COL25A1: variants seen among roughly 807,000 people sequenced by gnomAD.
The protein encoded by COL25A1 is collagen alpha-1(XXV) chain.
In COL25A1, 103 loss-of-function variants were observed where a neutral mutation model predicts 128.4. That is an observed-to-expected ratio of 0.80 (90% confidence interval 0.68 to 0.94). The LOEUF (loss-of-function observed/expected upper bound fraction) is 0.94. Ranked by LOEUF, COL25A1 falls within the 40% of genes least tolerant of loss-of-function variation. The pLI, the probability that COL25A1 is intolerant of heterozygous loss-of-function variation, is 0.00. For synonymous variants in COL25A1, 279 were observed against 277.2 expected (o/e 1.01, Z -0.06); for missense variants, 745 against 840.0 (o/e 0.89, Z 1.40).
intron 3 of COL25A1, among the ~76,000 whole-genome samples, chr4:109,084,360 C>T (rs1162205888): frequency 6.6e-6 from 1 of 152,076 alleles, no homozygotes; most frequent in Non-Finnish European, 1.5e-5. Flanking sequence ...TAATACTATT[C>T]TCACAGTGTT....
rs542426070 is a variant in COL25A1, at chr4:108,973,541, CTACA to C, written c.492+822_492+825del. ...AGCACAGTGAATTTTACAGAAAGAC[CTACA>C]TAGTTTCTTTTTTCAACCTGAAAGT... On this transcript the variant is annotated intron_variant, in intron 8 of 37. Coordinates refer to ENST00000399132, the MANE Select transcript of COL25A1 (RefSeq NM_198721.4). Among the ~76,000 whole-genome samples the C allele has an allele frequency of 8.3e-4, 127 of 152,248 alleles. 1 individual carries two copies. Among genetic ancestry groups the C allele is most frequent in the Middle Eastern group, 6.8e-3 (2 of 294 alleles).
chr4:108,863,990 T>C (rs1737579630), intron 20 of COL25A1, among the ~76,000 whole-genome samples: 1 of 152,170 alleles, frequency 6.6e-6, no homozygotes, highest in Non-Finnish European at 1.5e-5. Context: ...AGCTTGCAGA[T>C]AGCCTGTTGT....
At chr4:108,827,596 G>T (rs1427609050) in intron 32 of COL25A1, among the ~76,000 whole-genome samples, 1 of 152,096 alleles carries the variant, frequency 6.6e-6, no homozygotes, top group Non-Finnish European at 1.5e-5. Context: ...GCATGATCAT[G>T]GCTCACTGAA....
At chr4:109,207,142 A>G (rs1264547542) in intron 3 of COL25A1, among the ~76,000 whole-genome samples, 1 of 152,152 alleles carries the variant, frequency 6.6e-6, no homozygotes, top group Non-Finnish European at 1.5e-5. Flanking sequence ...GGGGTTAACT[A>G]ACAGACTTCT....
At chr4:108,942,347 G>T in intron 8 of COL25A1, 1 of 1,279,274 alleles carries the variant, frequency 7.8e-7, no homozygotes, top group Non-Finnish European at 1.1e-6. Flanking sequence ...AACAAAACAA[G>T]CACATACCTA....
intron 3 of COL25A1, among the ~76,000 whole-genome samples, chr4:109,123,435 A>C (rs1017214035): frequency 1.1e-4 from 16 of 152,032 alleles, no homozygotes; most frequent in African/African-American, 3.9e-4. Flanking sequence ...TCACAATCTG[A>C]TCTATAGTAA....
At chr4:108,817,484 T>C in intron 36 of COL25A1, 49 bp from the exon 37 acceptor site, 1 of 1,543,408 alleles carries the variant, frequency 6.5e-7, no homozygotes. Flanking sequence ...TAAGAGTGAT[T>C]AAACTTCATA....
At chr4:109,103,300 A>T (rs1172343954) in intron 3 of COL25A1, among the ~76,000 whole-genome samples, 1 of 152,150 alleles carries the variant, frequency 6.6e-6, no homozygotes, top group East Asian at 1.9e-4. Context: ...TCACAAATCA[A>T]ATCTTGCTAA....
At chr4:109,046,389 A>T (rs563523504) in intron 5 of COL25A1, among the ~76,000 whole-genome samples, 80 of 152,218 alleles carry the variant, frequency 5.3e-4, no homozygotes, top group Non-Finnish European at 9.4e-4. Context: ...CGAGGAATCA[A>T]AGAGGAAGTA....
intron 3 of COL25A1, among the ~76,000 whole-genome samples, chr4:109,139,928 G>GT (rs1405929973): frequency 6.6e-6 from 1 of 151,708 alleles, no homozygotes; most frequent in African/African-American, 2.4e-5. Flanking sequence ...ATGGTGTTTG[G>GT]TTTTTTGTCC....
At chr4:109,242,583 C>T (rs577035024) in intron 3 of COL25A1, among the ~76,000 whole-genome samples, 1 of 152,114 alleles carries the variant, frequency 6.6e-6, no homozygotes, top group African/African-American at 2.4e-5. Context: ...ATGATTCTTC[C>T]CTGTTCCTTA....
chr4:109,301,761 T>C lies in COL25A1; in HGVS notation c.259A>G (p.Thr87Ala), dbSNP rs1455213580. 6.2e-7 allele frequency: 1 copy of C among 1,614,042 alleles called. No individual in the cohort carries two copies. Among genetic ancestry groups the C allele is most frequent in the Admixed American group, 1.7e-5 (1 of 60,004 alleles). The change falls in exon 2 of 38, where the codon ACT (threonine) becomes GCT (alanine). Residue 87 changes from threonine (T) to alanine (A), a missense_variant. By Grantham distance (58) the Thr-to-Ala change is moderately conservative. Coordinates refer to ENST00000399132, the MANE Select transcript of COL25A1 (RefSeq NM_198721.4). ...CGCTCCACTTTCTCTTGCACCATAG[T>C]CTTGAGGTGATCCAGGGTATCAGGC... is the stretch of plus-strand genomic sequence containing the variant. ...LLPDTLDHLK[T>A]MVQEKVERLL...
intron 11 of COL25A1, among the ~76,000 whole-genome samples, chr4:108,935,693 A>G (rs990152850): frequency 1.3e-5 from 2 of 152,244 alleles, no homozygotes; most frequent in African/African-American, 4.8e-5. Flanking sequence ...GGAGCACACT[A>G]AGATAATAAT....
chr4:108,847,329 G>A (rs981984928), intron 27 of COL25A1, among the ~76,000 whole-genome samples: 2 of 152,036 alleles, frequency 1.3e-5, no homozygotes, highest in African/African-American at 4.8e-5. Flanking sequence ...TTATGGTAAG[G>A]GGCTTCTAGG....
Position 108,833,379 on chromosome 4 carries a change from G to T in COL25A1, c.1657-946C>A, listed in dbSNP as rs1334546126. Among the ~76,000 whole-genome samples, 3 of 152,308 alleles carry T rather than the reference G, an allele frequency of 2.0e-5. No individual in the cohort carries two copies. The East Asian group carries it at 5.8e-4, about 29-fold the overall frequency. ...CCCTTTGTCCCCCTGGTTAGTTCAG[G>T]ATTAGGATTTCTGCAGTAGAAGAGG... On this transcript the variant is annotated intron_variant, in intron 31 of 37. Coordinates refer to ENST00000399132, the MANE Select transcript of COL25A1 (RefSeq NM_198721.4).
At position 109,194,660 on chromosome 4, in the gene COL25A1, T is replaced by C. The variant is rs541414820; in HGVS notation, c.367+105923A>G. Among the ~76,000 whole-genome samples the C allele has an allele frequency of 3.9e-5, 6 of 152,296 alleles. No homozygotes were observed. The South Asian group carries it at 1.2e-3, about 32-fold the overall frequency. On this transcript the variant is annotated intron_variant, in intron 3 of 37. Coordinates refer to ENST00000399132, the MANE Select transcript of COL25A1 (RefSeq NM_198721.4). The stretch of plus-strand genomic sequence containing the variant: ...ATTCCATCAGTCCATTCTAGATATA[T>C]ACTTTGTTCTCATCAAAAGGAAGAA...
At chr4:109,016,699 C>A (rs1315092032) in intron 5 of COL25A1, among the ~76,000 whole-genome samples, 2 of 152,246 alleles carry the variant, frequency 1.3e-5, no homozygotes, top group South Asian at 4.1e-4. Context: ...TCAGGATGAC[C>A]TGCCTGCAGA....
At chr4:108,921,943 T>G (rs2125901748) in intron 11 of COL25A1, among the ~76,000 whole-genome samples, 1 of 152,326 alleles carries the variant, frequency 6.6e-6, no homozygotes, top group Non-Finnish European at 1.5e-5. Flanking sequence ...CTATCAGGTG[T>G]AAATTCCCTC....
At position 108,835,912 on chromosome 4, in the gene COL25A1, C is replaced by G. The variant is rs1318018728; in HGVS notation, c.1657-3479G>C. Among the ~76,000 whole-genome samples the G allele has an allele frequency of 3.5e-5, 4 of 112,980 alleles. No individual in the cohort carries two copies. In the Admixed American group the frequency reaches 4.7e-4, roughly 13 times the overall value. 74.1% of individuals were successfully genotyped at this position (112,980 alleles called of 152,430 possible). A position where few individuals can be genotyped will look rare whatever the true frequency, so the allele number is the denominator to read the frequency against. ...TTTGAGACGGACTCTCGCTCTGTTGCCCGGGCTGGAGTGCAGTGGCGCGAT... is the reference window on the plus strand; with the variant it reads ...TTTGAGACGGACTCTCGCTCTGTTGGCCGGGCTGGAGTGCAGTGGCGCGAT... On this transcript the variant is annotated intron_variant, in intron 31 of 37. Transcript: ENST00000399132.
Sources: allele counts gnomAD v4.1 joint callset (sites outside exome capture counted in the v4.1 genomes callset), GRCh38; gene constraint gnomAD v4.1.1; transcripts MANE v1.5; gene names NCBI Gene and HGNC (gene_info 2026-07-23, HGNC 2026-07-21).